NLRP7: variants seen among roughly 807,000 people sequenced by gnomAD.
NLRP7 encodes NACHT, LRR and PYD domains-containing protein 7.
In NLRP7, 72 loss-of-function variants were observed where a neutral mutation model predicts 85.5. That is an observed-to-expected ratio of 0.84 (90% CI 0.70 to 1.02). The LOEUF (loss-of-function observed/expected upper bound fraction) is 1.02, where lower values mean the gene tolerates loss of function less well. Ranked by LOEUF, NLRP7 falls within the 50% of genes least tolerant of loss-of-function variation. The pLI is 0.00. For synonymous variants in NLRP7, 550 were observed against 505.2 expected, an observed-to-expected ratio of 1.09 and a Z score of -1.19; for missense variants, 1,243 against 1,219.5, an observed-to-expected ratio of 1.02 and a Z score of -0.29.
intron 9 of NLRP7, 119 bp from the exon 10 acceptor site, chr19:54,927,894 C>A: frequency 1.2e-6 from 1 of 842,282 alleles, no homozygotes; most frequent in Non-Finnish European, 2.0e-6. Context: ...GTGTTCGAGA[C>A]CAGCCTTGCC....
chr19:54,954,554 G>A (rs1291025070), intron 1 of NLRP7, among the ~76,000 whole-genome samples: 1 of 143,890 alleles, frequency 6.9e-6, no homozygotes, highest in Non-Finnish European at 1.5e-5. Context: ...AAAAAAAAAG[G>A]GCAACCGAGG....
chr19:54,926,205 G>GGTGTGTGTGTGTGTGT lies in NLRP7; in HGVS notation c.2811-2349_2811-2334dup, dbSNP rs138774910. 4.6e-3 allele frequency among the ~76,000 whole-genome samples: 660 copies of GGTGTGTGTGTGTGTGT among 143,724 alleles called. 4 individuals carry two copies. Among genetic ancestry groups the GGTGTGTGTGTGTGTGT allele is most frequent in the Admixed American group, 0.013 (176 of 14,030 alleles). 94.3% of individuals were successfully genotyped at this position (143,724 alleles called of 152,430 possible). On this transcript the variant is annotated intron_variant, in intron 9 of 9. Coordinates refer to ENST00000340844, the Ensembl canonical transcript of NLRP7. ...CCTATTTTTGGATATAATGATTAGG[G>GGTGTGTGTGTGTGTGT]GTGTGTGTGTGTGTGTGTGTGTGCT... is the stretch of plus-strand genomic sequence containing the variant.
intron 1 of NLRP7, among the ~76,000 whole-genome samples, chr19:54,955,654 G>A (rs543726263): frequency 1.2e-4 from 18 of 152,150 alleles, no homozygotes; most frequent in African/African-American, 3.9e-4. Context: ...CCAGGAGGTC[G>A]TGGGCGCCTG....
exon 10 of NLRP7, chr19:54,923,810 T>C: frequency 6.2e-7 from 1 of 1,614,092 alleles, no homozygotes; most frequent in Non-Finnish European, 8.5e-7. Flanking sequence ...CAGCTTGGGA[T>C]TCTTTTCTTT....
rs146427076 is a variant in NLRP7, at chr19:54,939,582, G to A, written c.1237C>T (p.Arg413Trp). The A allele has an allele frequency of 4.3e-4, 701 of 1,611,654 alleles. 2 individuals are homozygous for A. In the African/African-American group the frequency reaches 5.6e-3, roughly 13 times the overall value. Residue 413 changes from arginine (R) to tryptophan (W), a missense_variant, in exon 4 of 10, where the codon CGG (arginine) becomes TGG (tryptophan). Physicochemically the swap from Arg to Trp is moderately radical, Grantham distance 101. Transcript: ENST00000340844. ...TGCGCGGCCAGGAGGCTCAGCGTCC[G>A]CAGCGCGCCCCGCAGCTGTGCGCCC...
At chr19:54,939,073 C>T in exon 4 of NLRP7, 2 of 1,614,216 alleles carry the variant, frequency 1.2e-6, no homozygotes, top group Non-Finnish European at 8.5e-7. Flanking sequence ...CCTTCGCCAG[C>T]TCCTCCTCCT....
upstream of NLRP7, among the ~76,000 whole-genome samples, chr19:54,950,427 C>T (rs917367893): frequency 3.9e-5 from 6 of 151,972 alleles, no homozygotes; most frequent in Non-Finnish European, 7.4e-5. Context: ...TGGAGGATCC[C>T]GCCAGCTTCT....
intron 1 of NLRP7, among the ~76,000 whole-genome samples, chr19:54,957,627 G>C (rs2069901746): frequency 6.6e-6 from 1 of 152,078 alleles, no homozygotes; most frequent in Non-Finnish European, 1.5e-5. Context: ...TCACAGGCGT[G>C]AGCCACTGCA....
intron 9 of NLRP7, among the ~76,000 whole-genome samples, chr19:54,926,235 C>A (rs1424537051): frequency 9.0e-6 from 1 of 110,642 alleles, no homozygotes; most frequent in Non-Finnish European, 2.1e-5. Context: ...TGTGCTCATG[C>A]ACACACATAC....
intron 9 of NLRP7, among the ~76,000 whole-genome samples, chr19:54,925,390 A>G (rs1453358901): frequency 2.0e-5 from 3 of 152,102 alleles, no homozygotes; most frequent in Non-Finnish European, 2.9e-5. Flanking sequence ...CAGACGTGTG[A>G]AAAATCGTAC....
chr19:54,937,237 GA>G (rs2068972599), intron 5 of NLRP7, among the ~76,000 whole-genome samples: 1 of 149,112 alleles, frequency 6.7e-6, no homozygotes, highest in African/African-American at 2.5e-5. Flanking sequence ...AAAAAGTCAA[GA>G]AGCAGAGGAT....
chr19:54,942,250 C>T (rs1167752766), intron 1 of NLRP7, among the ~76,000 whole-genome samples: 20 of 94,706 alleles, frequency 2.1e-4, no homozygotes, highest in African/African-American at 7.2e-4. Context: ...AGCGAGACTC[C>T]GTCTCAAAAA....
At chr19:54,940,516 GAATTATTTTGTCAAGTACCAGA>G in intron 3 of NLRP7, 50 bp from the exon 4 acceptor site, 1 of 1,602,694 alleles carries the variant, frequency 6.2e-7, no homozygotes, top group Non-Finnish European at 8.5e-7. Flanking sequence ...ATGATTTTCT[GAATTATTTTGTCAAGTACCAGA>G]AATGAGGGCC....
chr19:54,926,774 G>A (rs1353722953), intron 9 of NLRP7, among the ~76,000 whole-genome samples: 1 of 151,746 alleles, frequency 6.6e-6, no homozygotes, highest in Non-Finnish European at 1.5e-5. Context: ...AAATTAGCTG[G>A]GTGTGGTGGC....
intron 1 of NLRP7, among the ~76,000 whole-genome samples, chr19:54,962,685 C>A (rs888476817): frequency 6.6e-6 from 1 of 150,958 alleles, no homozygotes; most frequent in Admixed American, 6.6e-5. Flanking sequence ...CTGCAAGCTC[C>A]GCCTCCCGGG....
At position 54,934,650 on chromosome 19, in the gene NLRP7, A is replaced by G. The variant is rs2068826876; in HGVS notation, c.2310T>C (p.Gly770=). The stretch of plus-strand genomic sequence containing the variant: ...CCCACTGCTCCGGGGTGGCACAGTG[A>G]CCTCCCAACCTGTGAAAAGAGTGGG... Residue 770 remains glycine (G), a synonymous_variant, in exon 7 of 10, where the codon GGT becomes GGC. Coordinates refer to ENST00000340844, the Ensembl canonical transcript of NLRP7. The surrounding 1 kb of genome is among the most constrained non-coding windows in gnomAD (Gnocchi z 6.7). 1.9e-6 allele frequency: 3 copies of G among 1,612,214 alleles called. No individual in the cohort carries two copies. The highest frequency in any genetic ancestry group is 2.5e-6 in the Non-Finnish European group (3 of 1,179,330).
intron 1 of NLRP7, among the ~76,000 whole-genome samples, chr19:54,943,471 G>A (rs533413267): frequency 6.6e-6 from 1 of 151,856 alleles, no homozygotes; most frequent in Admixed American, 6.6e-5. Context: ...CGTGGTGGCG[G>A]GCGCCTGTAG....
rs1313753859 is a variant in NLRP7 at position 54,933,471 on chromosome 19, G to A, written c.2642+98C>T. 2.0e-6 allele frequency: 3 copies of A among 1,473,174 alleles called. No individual in the cohort carries two copies. In the African/African-American group the frequency reaches 4.2e-5, roughly 21 times the overall value. 91.3% of individuals were successfully genotyped at this position (1,473,174 alleles called of 1,614,324 possible). Reference sequence around the variant, plus strand: ...CTGCCTGTTCTTTAATTCTTACCAGGTTTTTAAAAGTTACATTTGAAATGA... The same window carrying A: ...CTGCCTGTTCTTTAATTCTTACCAGATTTTTAAAAGTTACATTTGAAATGA... On this transcript the variant is annotated intron_variant, in intron 8 of 9. Transcript: ENST00000340844.
chr19:54,935,421 C>A (rs146960252), intron 6 of NLRP7, among the ~76,000 whole-genome samples: 1 of 151,974 alleles, frequency 6.6e-6, no homozygotes, highest in African/African-American at 2.4e-5. Flanking sequence ...CCTGGCCAGG[C>A]GCAGTGGTTC....
Sources: allele counts gnomAD v4.1 joint callset (sites outside exome capture counted in the v4.1 genomes callset), GRCh38; gene constraint gnomAD v4.1.1; non-coding constraint Gnocchi (gnomAD v3.1); transcripts MANE v1.5; gene names NCBI Gene and HGNC (gene_info 2026-07-23, HGNC 2026-07-21).